Variants in UNC13C observed in about 807,000 individuals in gnomAD.
The protein encoded by UNC13C is unc-13 homolog C, also known as protein unc-13 homolog C.
A neutral mutation model predicts 245.4 loss-of-function variants in UNC13C; 174 were observed. The observed-to-expected ratio is 0.71, with a 90% confidence interval of 0.63 to 0.80. The LOEUF (loss-of-function observed/expected upper bound fraction) is 0.80. Among genes scored for constraint, UNC13C ranks in the 30% least tolerant of loss-of-function variants. The pLI is 0.00. For synonymous variants in UNC13C, 992 were observed against 895.1 expected (o/e 1.11, Z -1.93); for missense variants, 2,829 against 2,602.9 (o/e 1.09, Z -1.89).
chr15:54,596,227 C>A lies in UNC13C; in HGVS notation c.6107-26100C>A, dbSNP rs191635192. 2.2e-3 allele frequency among the ~76,000 whole-genome samples: 342 copies of A among 152,196 alleles called. 1 individual carries two copies. Among genetic ancestry groups the A allele is most frequent in the African/African-American group, 8.1e-3 (336 of 41,546 alleles). On this transcript the variant is annotated intron_variant, in intron 30 of 32. Coordinates refer to ENST00000260323, the MANE Select transcript of UNC13C (RefSeq NM_001080534.3). ...GTATTTTTTTCATGGCATATAAATA[C>A]GCTTATCCCAACTGTGGGTGTTTTT...
the UNC13C span, among the ~76,000 whole-genome samples, chr15:53,928,716 AG>A: frequency 9.9e-5 from 15 of 152,244 alleles, no homozygotes; most frequent in Admixed American, 4.6e-4. Context: ...TTTGGTTCAC[AG>A]GGATGAGCTT....
intron 17 of UNC13C, among the ~76,000 whole-genome samples, chr15:54,358,039 T>C (rs2039136855): frequency 6.6e-6 from 1 of 152,100 alleles, no homozygotes; most frequent in Admixed American, 6.6e-5. Flanking sequence ...TTACTCAGTA[T>C]GCAATCGAGC....
At chr15:54,364,553 T>C (rs2039316921) in intron 17 of UNC13C, among the ~76,000 whole-genome samples, 1 of 152,142 alleles carries the variant, frequency 6.6e-6, no homozygotes, top group South Asian at 2.1e-4. Context: ...GGCACCTTCT[T>C]TTGGAAACTG....
At chr15:53,842,900 T>TTA in the UNC13C span, among the ~76,000 whole-genome samples, 27,828 of 145,844 alleles carry the variant, frequency 0.19, 2,952 homozygotes, top group African/African-American at 0.3. Flanking sequence ...ATTTTAAGTT[T>TTA]TATATATATA....
chr15:54,477,487 A>G (rs1265475990), intron 19 of UNC13C, among the ~76,000 whole-genome samples: 139 of 101,754 alleles, frequency 1.4e-3, no homozygotes, highest in Middle Eastern at 4.5e-3. Context: ...CGTCCCATCA[A>G]TACCTAATTT....
At chr15:54,088,475 T>G (rs2141131347) in intron 2 of UNC13C, among the ~76,000 whole-genome samples, 2 of 152,344 alleles carry the variant, frequency 1.3e-5, no homozygotes, top group South Asian at 4.1e-4. Flanking sequence ...AGAGATGCTT[T>G]ACATCGGATG....
At chr15:54,094,754 C>G (rs988016577) in intron 2 of UNC13C, among the ~76,000 whole-genome samples, 1 of 152,134 alleles carries the variant, frequency 6.6e-6, no homozygotes, top group Non-Finnish European at 1.5e-5. Flanking sequence ...TTACAATTCT[C>G]TCTCTCCCCC....
At chr15:54,253,294 G>C (rs770011571) in intron 8 of UNC13C, among the ~76,000 whole-genome samples, 33 of 152,164 alleles carry the variant, frequency 2.2e-4, no homozygotes, top group Admixed American at 1.0e-3. Flanking sequence ...CACTGCTCCA[G>C]TGCTTCCTTG....
the UNC13C span, among the ~76,000 whole-genome samples, chr15:53,846,544 A>G: frequency 6.6e-6 from 1 of 152,170 alleles, no homozygotes; most frequent in Non-Finnish European, 1.5e-5. Context: ...AAATTTTAGT[A>G]TTTACTTTAC....
intron 8 of UNC13C, among the ~76,000 whole-genome samples, chr15:54,252,050 T>G (rs148663668): frequency 3.3e-5 from 5 of 152,308 alleles, no homozygotes; most frequent in Admixed American, 2.6e-4. Flanking sequence ...TTAATTTACA[T>G]GCAAAATCTC....
chr15:54,423,687 T>C (rs2040700108), intron 19 of UNC13C, among the ~76,000 whole-genome samples: 1 of 151,792 alleles, frequency 6.6e-6, no homozygotes, highest in Admixed American at 6.6e-5. Flanking sequence ...ATCAAGAAAA[T>C]AAAGTTGGTA....
At chr15:54,266,755 C>A (rs1370964255) in intron 10 of UNC13C, among the ~76,000 whole-genome samples, 1 of 151,996 alleles carries the variant, frequency 6.6e-6, no homozygotes, top group African/African-American at 2.4e-5. Context: ...ATGAACATAT[C>A]CATCAGTGCC....
chr15:54,296,391 T>TTTTTTTTTTTG (rs529076917), intron 11 of UNC13C, among the ~76,000 whole-genome samples: 11 of 137,900 alleles, frequency 8.0e-5, no homozygotes, highest in Non-Finnish European at 1.2e-4. Flanking sequence ...TTATTTTTTT[T>TTTTTTTTTTTG]TATTTTTTAG....
intron 1 of UNC13C, among the ~76,000 whole-genome samples, chr15:53,995,275 G>A (rs1894570615): frequency 6.6e-6 from 1 of 152,004 alleles, no homozygotes; most frequent in Non-Finnish European, 1.5e-5. Flanking sequence ...GGCCAGTAAA[G>A]GACTTTGTTA....
intron 30 of UNC13C, among the ~76,000 whole-genome samples, chr15:54,613,104 A>C (rs1481460319): frequency 6.6e-6 from 1 of 151,950 alleles, no homozygotes; most frequent in Non-Finnish European, 1.5e-5. Context: ...TAGAAAGCAT[A>C]AATAGATCTA....
At chr15:54,578,817 C>G (rs1173893754) in intron 30 of UNC13C, among the ~76,000 whole-genome samples, 1 of 152,158 alleles carries the variant, frequency 6.6e-6, no homozygotes, top group African/African-American at 2.4e-5. Context: ...CCAGCCTGGC[C>G]AACGTGGTGA....
chr15:54,180,923 G>T (rs1334645697), intron 4 of UNC13C, among the ~76,000 whole-genome samples: 1 of 151,922 alleles, frequency 6.6e-6, no homozygotes. Context: ...TTGAAAATAT[G>T]TTTTCCTATT....
intron 17 of UNC13C, among the ~76,000 whole-genome samples, chr15:54,354,786 T>C (rs1312553899): frequency 1.3e-5 from 2 of 152,204 alleles, no homozygotes; most frequent in Admixed American, 1.3e-4. Context: ...GCATAAAATG[T>C]AACTTGGAAT....
intron 19 of UNC13C, among the ~76,000 whole-genome samples, chr15:54,434,607 A>G (rs2040941910): frequency 1.3e-5 from 2 of 151,766 alleles, no homozygotes; most frequent in Non-Finnish European, 3.0e-5. Context: ...AGACTTAACC[A>G]TAAAACCGGA....
Sources: allele counts gnomAD v4.1 joint callset (sites outside exome capture counted in the v4.1 genomes callset), GRCh38; gene constraint gnomAD v4.1.1; transcripts MANE v1.5; gene names NCBI Gene and HGNC (gene_info 2026-07-23, HGNC 2026-07-21).